The following PRH1 variants were observed in gnomAD, a reference collection of about 807,000 sequenced individuals.
PRH1 encodes the protein salivary acidic proline-rich phosphoprotein 1/2.
In PRH1, 7 loss-of-function variants were observed where a neutral mutation model predicts 7.9. The observed-to-expected ratio is 0.89, with a 90% confidence interval of 0.50 to 1.67. PRH1 has a LOEUF of 1.67. Among genes scored for constraint, PRH1 ranks in the 40% most tolerant of loss-of-function variants. PRH1 has a pLI of 0.00. For missense variants in PRH1, 109 were observed against 223.6 expected (o/e 0.49, Z 3.27); for synonymous variants, 45 against 80.8 (o/e 0.56, Z 2.38).
intron 1 of PRH1, among the ~76,000 whole-genome samples, chr12:11,028,656 T>C (rs1307287753): frequency 6.6e-6 from 1 of 152,184 alleles, no homozygotes; most frequent in Non-Finnish European, 1.5e-5. Context: ...ATACAAATAA[T>C]TGACAATAGA....
chr12:10,908,369 T>A, intron 2 of PRH1: 1 of 1,598,500 alleles, frequency 6.3e-7, no homozygotes, highest in Non-Finnish European at 8.5e-7. Context: ...CTGAATGGCT[T>A]ATGAAATTGT....
chr12:11,155,558 T>A (rs1420836961), intron 1 of PRH1, among the ~76,000 whole-genome samples: 1 of 152,230 alleles, frequency 6.6e-6, no homozygotes, highest in Non-Finnish European at 1.5e-5. Flanking sequence ...CAGAAATTGA[T>A]TTGAGTTTGC....
At chr12:11,021,806 G>C in intron 1 of PRH1, 1 of 1,614,252 alleles carries the variant, frequency 6.2e-7, no homozygotes, top group Non-Finnish European at 8.5e-7. Context: ...AGTTTGCTCT[G>C]CTGTGTCCTA....
intron 2 of PRH1, among the ~76,000 whole-genome samples, chr12:10,919,333 T>C (rs958370051): frequency 6.6e-6 from 1 of 152,210 alleles, no homozygotes; most frequent in African/African-American, 2.4e-5. Context: ...TTTCATGATG[T>C]TATTCTATGC....
chr12:10,971,669 T>C (rs7305795), intron 2 of PRH1, among the ~76,000 whole-genome samples: 36,960 of 152,004 alleles, frequency 0.24, 4,550 homozygotes, highest in Non-Finnish European at 0.25. Flanking sequence ...AGAATTATAT[T>C]AATTTATACT....
chr12:11,051,017 A>G (rs1943121245), upstream of PRH1, among the ~76,000 whole-genome samples: 3 of 152,278 alleles, frequency 2.0e-5, no homozygotes, highest in South Asian at 6.2e-4. Flanking sequence ...CACCAAACCT[A>G]GCTGACAAAA....
intron 1 of PRH1, chr12:11,134,304 C>T: frequency 8.3e-7 from 1 of 1,204,340 alleles, no homozygotes; most frequent in East Asian, 2.5e-5. Context: ...GTTGTGATTG[C>T]TTGAATATCC....
At chr12:11,072,990 T>A in intron 1 of PRH1, among the ~76,000 whole-genome samples, 1 of 151,530 alleles carries the variant, frequency 6.6e-6, no homozygotes. Flanking sequence ...GGTCCCTAAA[T>A]ATAGTAAAAT....
chr12:10,952,817 T>G (rs1937750291), intron 2 of PRH1, among the ~76,000 whole-genome samples: 2 of 152,152 alleles, frequency 1.3e-5, no homozygotes, highest in African/African-American at 4.8e-5. Flanking sequence ...CAAGAGCCTA[T>G]ACCCTGCCAC....
chr12:10,895,464 A>G (rs78975670), intron 2 of PRH1: 6 of 152,324 alleles, frequency 3.9e-5, no homozygotes, highest in Non-Finnish European at 7.4e-5. Context: ...GTGCAGAAAG[A>G]GATCGTTGCC....
chr12:10,888,704 A>T (rs1565451897), upstream of PRH1, among the ~76,000 whole-genome samples: 1 of 151,918 alleles, frequency 6.6e-6, no homozygotes, highest in East Asian at 1.9e-4. Context: ...ATTTTAGTTG[A>T]TCCGTATAAT....
intron 1 of PRH1, among the ~76,000 whole-genome samples, chr12:11,017,144 C>T (rs1029518233): frequency 2.0e-5 from 3 of 152,276 alleles, no homozygotes; most frequent in African/African-American, 7.2e-5. Context: ...TTATTTTACA[C>T]CCATGGGTGG....
chr12:11,068,710 C>T (rs1164676657), intron 1 of PRH1, among the ~76,000 whole-genome samples: 3 of 152,148 alleles, frequency 2.0e-5, no homozygotes, highest in South Asian at 2.1e-4. Context: ...ACCATAATTC[C>T]ATCTGTATAT....
At chr12:10,941,080 C>A (rs1344855005) in intron 2 of PRH1, among the ~76,000 whole-genome samples, 1 of 151,976 alleles carries the variant, frequency 6.6e-6, no homozygotes, top group Non-Finnish European at 1.5e-5. Context: ...TATATCCAGG[C>A]AATAAAGATG....
intron 1 of PRH1, among the ~76,000 whole-genome samples, chr12:11,168,253 AAAGAAAG>A (rs1565725110): frequency 4.8e-5 from 2 of 41,302 alleles, no homozygotes; most frequent in African/African-American, 1.6e-4. Context: ...AGAAAGAAAG[AAAGAAAG>A]AAAGAAAGAA....
chr12:11,105,933 A>ATT (rs1945397864), intron 1 of PRH1, among the ~76,000 whole-genome samples: 1 of 104,896 alleles, frequency 9.5e-6, no homozygotes, highest in African/African-American at 3.2e-5. Context: ...TGAATAACTT[A>ATT]TTCTTTTTTT....
intron 1 of PRH1, chr12:10,973,771 G>C: frequency 1.3e-6 from 1 of 766,122 alleles, no homozygotes; most frequent in East Asian, 2.4e-5. Context: ...ATTCATCGGA[G>C]AGCTGTGCAA....
intron 2 of PRH1, among the ~76,000 whole-genome samples, chr12:10,940,799 A>C (rs183961951): frequency 2.6e-4 from 40 of 152,356 alleles, no homozygotes; most frequent in African/African-American, 8.7e-4. Context: ...AAGTAGAAAA[A>C]TATGCCTCAT....
intron 1 of PRH1, among the ~76,000 whole-genome samples, chr12:11,036,729 T>C (rs1473274160): frequency 6.6e-6 from 1 of 152,234 alleles, no homozygotes; most frequent in Non-Finnish European, 1.5e-5. Context: ...CTGTTTACTA[T>C]TGTAACTTTC....
Sources: gnomAD v4.1 joint callset for allele counts (sites outside exome capture counted in the v4.1 genomes callset) on GRCh38, gnomAD v4.1.1 for gene constraint, MANE v1.5 for transcripts, NCBI Gene and HGNC (gene_info 2026-07-23, HGNC 2026-07-21) for gene names.